Variants in PPP6R3 observed in about 807,000 individuals in gnomAD.
The protein encoded by PPP6R3 is serine/threonine-protein phosphatase 6 regulatory subunit 3.
A neutral mutation model predicts 110.7 loss-of-function variants in PPP6R3; 38 were observed. That is an observed-to-expected ratio of 0.34 (90% CI 0.26 to 0.45). The LOEUF is 0.45. Ranked by LOEUF, PPP6R3 falls within the 20% of genes least tolerant of loss-of-function variation. The pLI is 1.00. For synonymous variants in PPP6R3, 369 were observed against 373.5 expected, an observed-to-expected ratio of 0.99 and a Z score of 0.14; for missense variants, 870 against 1,062.4, an observed-to-expected ratio of 0.82 and a Z score of 2.52.
intron 4 of PPP6R3, 144 bp from the exon 5 acceptor site, chr11:68,547,923 G>T: frequency 1.2e-6 from 1 of 814,894 alleles, no homozygotes; most frequent in Non-Finnish European, 1.8e-6. Context: ...TTTCCAATTT[G>T]ATACCTTGTT....
intron 1 of PPP6R3, among the ~76,000 whole-genome samples, chr11:68,463,394 T>C (rs1162210143): frequency 7.0e-6 from 1 of 142,850 alleles, no homozygotes; most frequent in African/African-American, 2.6e-5. Flanking sequence ...GCTTTGCACC[T>C]ATTTGGTAGA....
chr11:68,514,679 G>C (rs1342575580), intron 1 of PPP6R3, among the ~76,000 whole-genome samples: 1 of 152,108 alleles, frequency 6.6e-6, no homozygotes, highest in African/African-American at 2.4e-5. Flanking sequence ...CTGTCTCCCA[G>C]GTTCAAGTGA....
At chr11:68,512,961 G>C (rs1357532575) in intron 1 of PPP6R3, among the ~76,000 whole-genome samples, 1 of 152,146 alleles carries the variant, frequency 6.6e-6, no homozygotes, top group Non-Finnish European at 1.5e-5. Context: ...TGCCCTCAGT[G>C]TTGGCAGGTA....
chr11:68,533,972 T>C (rs1019832353), intron 2 of PPP6R3, among the ~76,000 whole-genome samples: 1 of 152,152 alleles, frequency 6.6e-6, no homozygotes, highest in Non-Finnish European at 1.5e-5. Flanking sequence ...ATATAGTGAT[T>C]TGGGGACCAC....
Position 68,614,440 on chromosome 11 carries a change from T to A in PPP6R3, c.*1323T>A, listed in dbSNP as rs1944807697. ...GTTTTTCATTTCTGTAATAGAAAAT[T>A]ATTCACGTATTTTTACATCATTTGT... On this transcript the variant is annotated 3_prime_UTR_variant, in exon 24 of 24. Transcript: ENST00000393800. 5 of 1,340,116 alleles carry A rather than the reference T, an allele frequency of 3.7e-6. No homozygotes were observed. The African/African-American group carries it at 7.6e-5, about 20-fold the overall frequency. 83.0% of individuals were successfully genotyped at this position (1,340,116 alleles called of 1,614,324 possible). A position where few individuals can be genotyped will look rare whatever the true frequency, so the allele number is the denominator to read the frequency against.
chr11:68,477,330 A>AT (rs919563776), intron 1 of PPP6R3, among the ~76,000 whole-genome samples: 1 of 152,126 alleles, frequency 6.6e-6, no homozygotes, highest in Admixed American at 6.5e-5. Flanking sequence ...TGATAGACTT[A>AT]TTGGGACATA....
At chr11:68,512,826 CA>C (rs1208244947) in intron 1 of PPP6R3, among the ~76,000 whole-genome samples, 1 of 152,176 alleles carries the variant, frequency 6.6e-6, no homozygotes, top group Non-Finnish European at 1.5e-5. Flanking sequence ...TCTGCCCTTA[CA>C]AACCTTTTGT....
Position 68,600,443 on chromosome 11 carries a change from C to A in PPP6R3, c.2141C>A (p.Pro714Gln). 1 of 1,614,100 alleles carries A rather than the reference C, an allele frequency of 6.2e-7. No individual in the cohort carries two copies. The highest frequency in any genetic ancestry group is 8.5e-7 in the Non-Finnish European group (1 of 1,180,008). Residue 714 changes from proline to glutamine, a missense_variant, in exon 20 of 24, where the codon CCA (proline) becomes CAA (glutamine). Physicochemically the swap from Pro to Gln is moderately conservative, Grantham distance 76. Coordinates refer to ENST00000393800, the MANE Select transcript of PPP6R3 (RefSeq NM_001164161.2). ...GTCTGGAGCACAGAGGAGCCGATGC[C>A]AACTAAAGAGACGGGCTGGGCTTCT... The part of the protein sequence containing the change: ...SDVWSTEEPM[P>Q]TKETGWASFS...
At chr11:68,523,927 G>T (rs2099180696) in intron 2 of PPP6R3, among the ~76,000 whole-genome samples, 1 of 152,026 alleles carries the variant, frequency 6.6e-6, no homozygotes, top group African/African-American at 2.4e-5. Flanking sequence ...TGGAGAATGC[G>T]TGGGGTTCAA....
chr11:68,561,863 A>G (rs1461735149), intron 8 of PPP6R3, among the ~76,000 whole-genome samples: 1 of 152,138 alleles, frequency 6.6e-6, no homozygotes, highest in East Asian at 1.9e-4. Flanking sequence ...GGCCTAAGTG[A>G]TCTTCCCACT....
chr11:68,480,491 G>A (rs746272533), intron 1 of PPP6R3, among the ~76,000 whole-genome samples: 3 of 152,202 alleles, frequency 2.0e-5, no homozygotes, highest in South Asian at 2.1e-4. Context: ...AAACTTCTAG[G>A]GTAGGGATGG....
chr11:68,594,422 C>T (rs191259812), intron 18 of PPP6R3, among the ~76,000 whole-genome samples: 2 of 151,974 alleles, frequency 1.3e-5, no homozygotes, highest in African/African-American at 2.4e-5. Context: ...TTTGGGAGGC[C>T]AAGGCAGGAG....
rs1292917760 is a variant in PPP6R3, at chr11:68,574,104, G to A, written c.1344-5G>A. 2 of 1,605,356 alleles carry A rather than the reference G, an allele frequency of 1.2e-6. No homozygotes were observed. The highest frequency in any genetic ancestry group is 2.2e-5 in the East Asian group (1 of 44,852). ...TCTGAGTATTTGTCCTTTACCTCTTGTCAGGGCTGAGGGAGGAAGACGGCA... is the reference window on the plus strand; with the variant it reads ...TCTGAGTATTTGTCCTTTACCTCTTATCAGGGCTGAGGGAGGAAGACGGCA... On this transcript the variant is annotated splice_region_variant and splice_polypyrimidine_tract_variant and intron_variant, in intron 12 of 23. Coordinates refer to ENST00000393800, the MANE Select transcript of PPP6R3 (RefSeq NM_001164161.2).
At chr11:68,558,784 A>G in intron 8 of PPP6R3, 105 bp downstream of exon 8, 1 of 801,038 alleles carries the variant, frequency 1.2e-6, no homozygotes, top group Non-Finnish European at 2.0e-6. Flanking sequence ...TTTGAATTGC[A>G]GTTGCTGATT....
intron 22 of PPP6R3, among the ~76,000 whole-genome samples, chr11:68,607,102 A>C (rs957741221): frequency 5.7e-4 from 87 of 152,334 alleles, no homozygotes; most frequent in African/African-American, 2.0e-3. Flanking sequence ...GCCATCCTGA[A>C]GTTAGTGTTT....
At position 68,613,935 on chromosome 11, in the gene PPP6R3, T is replaced by C. The variant is rs1487238933; in HGVS notation, c.*818T>C. 2.0e-6 allele frequency: 2 copies of C among 984,704 alleles called. No homozygotes were observed. The highest frequency in any genetic ancestry group is 4.7e-5 in the South Asian group (1 of 21,272). 61.0% of individuals were successfully genotyped at this position (984,704 alleles called of 1,614,324 possible). A position where few individuals can be genotyped will look rare whatever the true frequency, so the allele number is the denominator to read the frequency against. On this transcript the variant is annotated 3_prime_UTR_variant, in exon 24 of 24. Coordinates refer to ENST00000393800, the MANE Select transcript of PPP6R3 (RefSeq NM_001164161.2). ...TTTTTTTGGCTTTTGTTTTTGTTTG[T>C]TTTTTTGTTTCATTTGGTAGTTCAT... is the stretch of plus-strand genomic sequence containing the variant.
chr11:68,568,392 C>T (rs1181188869), intron 10 of PPP6R3, among the ~76,000 whole-genome samples: 1 of 152,182 alleles, frequency 6.6e-6, no homozygotes, highest in South Asian at 2.1e-4. Context: ...TTTGATGAGA[C>T]TACTGGAGGA....
chr11:68,612,533 C>T (rs1274602022), intron 23 of PPP6R3, among the ~76,000 whole-genome samples: 1 of 151,274 alleles, frequency 6.6e-6, no homozygotes, highest in African/African-American at 2.4e-5. Context: ...AGTTTTGAGC[C>T]TAACATTTGC....
Position 68,583,129 on chromosome 11 carries a change from A to G in PPP6R3, c.1632A>G (p.Gln544=), listed in dbSNP as rs773111959. The G allele has an allele frequency of 6.5e-7, 1 of 1,532,884 alleles. No homozygotes were observed. Among genetic ancestry groups the G allele is most frequent in the South Asian group, 1.2e-5 (1 of 82,038 alleles). The allele number at this position is 1,532,884 out of a possible 1,614,324, so 95.0% of individuals were successfully genotyped here. Residue 544 remains glutamine, a splice_region_variant and synonymous_variant, in exon 15 of 24, where the codon CAA becomes CAG. Coordinates refer to ENST00000393800, the MANE Select transcript of PPP6R3 (RefSeq NM_001164161.2). Reference sequence around the variant, plus strand: ...TCTCACAGGATTCTTCTTTGCAGCAAGTGAGTCACGCCTAAAGCTTTGCTT... The same window carrying G: ...TCTCACAGGATTCTTCTTTGCAGCAGGTGAGTCACGCCTAAAGCTTTGCTT... ...TGFSQDSSLQ[Q]AFSDYQMQQM...
Sources: allele counts gnomAD v4.1 joint callset (sites outside exome capture counted in the v4.1 genomes callset), GRCh38; gene constraint gnomAD v4.1.1; transcripts MANE v1.5; gene names NCBI Gene and HGNC (gene_info 2026-07-23, HGNC 2026-07-21).